The following GRID2 variants were observed in gnomAD, a reference collection of about 807,000 sequenced individuals.
GRID2 encodes glutamate ionotropic receptor delta type subunit 2.
GRID2 carries 33 observed loss-of-function variants against 114.8 expected under a neutral mutation model. The observed-to-expected ratio is 0.29, with a 90% confidence interval of 0.22 to 0.38. The LOEUF (loss-of-function observed/expected upper bound fraction) is 0.38, where lower values mean the gene tolerates loss of function less well. Among genes scored for constraint, GRID2 ranks in the 10% least tolerant of loss-of-function variants. The pLI, the probability that GRID2 is intolerant of heterozygous loss-of-function variation, is 1.00. For synonymous variants in GRID2, 505 were observed against 449.9 expected (o/e 1.12, Z -1.55); for missense variants, 1,184 against 1,257.7 (o/e 0.94, Z 0.89).
chr4:93,673,629 A>G (rs950271666), intron 14 of GRID2, among the ~76,000 whole-genome samples: 1 of 152,230 alleles, frequency 6.6e-6, no homozygotes, highest in African/African-American at 2.4e-5. Flanking sequence ...TAATGAATGT[A>G]GACAGATCTT....
At chr4:92,495,325 C>T (rs930686612) in intron 1 of GRID2, among the ~76,000 whole-genome samples, 11 of 151,864 alleles carry the variant, frequency 7.2e-5, no homozygotes, top group Non-Finnish European at 1.3e-4. Flanking sequence ...TAGGGCTAGT[C>T]GCTATGGGGG....
intron 8 of GRID2, among the ~76,000 whole-genome samples, chr4:93,313,773 C>T (rs544292055): frequency 1.3e-5 from 2 of 151,948 alleles, no homozygotes; most frequent in African/African-American, 4.8e-5. Flanking sequence ...ATGCAAAGAG[C>T]GAGAGGAAAC....
At chr4:92,576,636 C>G (rs1045888062) in intron 1 of GRID2, among the ~76,000 whole-genome samples, 1 of 152,184 alleles carries the variant, frequency 6.6e-6, no homozygotes, top group Non-Finnish European at 1.5e-5. Flanking sequence ...AGCATCTGGT[C>G]TCCTGAGACT....
At chr4:92,922,223 C>G (rs532307444) in intron 2 of GRID2, among the ~76,000 whole-genome samples, 60 of 152,220 alleles carry the variant, frequency 3.9e-4, no homozygotes, top group Middle Eastern at 6.8e-3. Context: ...GGGAGTGACC[C>G]AATTTTCCAG....
intron 1 of GRID2, among the ~76,000 whole-genome samples, chr4:92,491,056 C>T (rs1334155282): frequency 6.6e-6 from 1 of 152,102 alleles, no homozygotes; most frequent in African/African-American, 2.4e-5. Context: ...CTCCCTATTG[C>T]ACAATAAGCA....
intron 14 of GRID2, among the ~76,000 whole-genome samples, chr4:93,720,570 C>T (rs762480633): frequency 3.9e-5 from 6 of 152,158 alleles, no homozygotes; most frequent in Non-Finnish European, 7.3e-5. Context: ...GAATTTTGCA[C>T]ATATTGGAAT....
At chr4:92,891,390 A>C (rs1267225083) in intron 2 of GRID2, among the ~76,000 whole-genome samples, 2 of 152,214 alleles carry the variant, frequency 1.3e-5, no homozygotes, top group African/African-American at 2.4e-5. Flanking sequence ...GAATTTAGAC[A>C]TGATCTCCAG....
intron 1 of GRID2, among the ~76,000 whole-genome samples, chr4:92,433,666 A>G (rs1240666397): frequency 5.3e-5 from 8 of 152,150 alleles, no homozygotes; most frequent in Non-Finnish European, 8.8e-5. Context: ...TCTGTCCTCA[A>G]TATAATGTTA....
chr4:92,831,846 C>A (rs796849749), intron 2 of GRID2, among the ~76,000 whole-genome samples: 25 of 151,962 alleles, frequency 1.6e-4, no homozygotes, highest in Non-Finnish European at 2.5e-4. Context: ...GGAGACAGAG[C>A]AAGACCCCAT....
At chr4:92,817,622 TATA>T (rs1010914519) in intron 2 of GRID2, among the ~76,000 whole-genome samples, 1 of 152,166 alleles carries the variant, frequency 6.6e-6, no homozygotes, top group Non-Finnish European at 1.5e-5. Flanking sequence ...GGAATGCCAT[TATA>T]ATAATGTTTA....
intron 1 of GRID2, among the ~76,000 whole-genome samples, chr4:92,469,734 C>A (rs144598707): frequency 1.0e-3 from 154 of 150,884 alleles, no homozygotes; most frequent in African/African-American, 3.7e-3. Flanking sequence ...CAAAAATAAC[C>A]CAACTTAGTT....
chr4:93,057,162 CTGTGTG>C (rs139689521), intron 2 of GRID2, among the ~76,000 whole-genome samples: 4 of 147,836 alleles, frequency 2.7e-5, no homozygotes, highest in African/African-American at 9.9e-5. Flanking sequence ...GTATGTGTGT[CTGTGTG>C]TGTGTGTGTG....
chr4:93,612,619 T>C (rs1329127224), intron 13 of GRID2, among the ~76,000 whole-genome samples: 1 of 99,070 alleles, frequency 1.0e-5, no homozygotes, highest in Non-Finnish European at 2.1e-5. Context: ...TTCTTTTCTT[T>C]AAGAATGTTG....
chr4:93,703,302 C>T (rs1006099083), intron 14 of GRID2, among the ~76,000 whole-genome samples: 3 of 151,862 alleles, frequency 2.0e-5, no homozygotes, highest in Non-Finnish European at 4.4e-5. Context: ...TTATAAGGTA[C>T]GTGAGATGTT....
At chr4:93,210,482 G>T (rs754224298) in intron 5 of GRID2, among the ~76,000 whole-genome samples, 3 of 152,100 alleles carry the variant, frequency 2.0e-5, no homozygotes, top group Non-Finnish European at 4.4e-5. Context: ...TGCTGTTTTG[G>T]TTAGTGTAGC....
chr4:93,367,816 T>C (rs920063509), intron 8 of GRID2, among the ~76,000 whole-genome samples: 2 of 152,134 alleles, frequency 1.3e-5, no homozygotes, highest in Non-Finnish European at 2.9e-5. Flanking sequence ...AACTAATGAG[T>C]TGAGTGATAT....
chr4:93,168,091 G>C (rs903702220), intron 4 of GRID2, among the ~76,000 whole-genome samples: 4 of 152,112 alleles, frequency 2.6e-5, no homozygotes, highest in Non-Finnish European at 5.9e-5. Context: ...ACCCACTTGG[G>C]AGGCTAAGGC....
chr4:93,517,925 CTATA>C (rs921248568), intron 13 of GRID2, among the ~76,000 whole-genome samples: 3 of 109,290 alleles, frequency 2.7e-5, no homozygotes, highest in Non-Finnish European at 4.2e-5. Flanking sequence ...TATGTATATA[CTATA>C]TATGTATGTA....
intron 2 of GRID2, among the ~76,000 whole-genome samples, chr4:93,035,485 C>G (rs1724852085): frequency 6.6e-6 from 1 of 152,086 alleles, no homozygotes; most frequent in African/African-American, 2.4e-5. Context: ...TAGTAGGTTA[C>G]TACAAGAAAG....
Sources: gnomAD v4.1 joint callset for allele counts (sites outside exome capture counted in the v4.1 genomes callset) on GRCh38, gnomAD v4.1.1 for gene constraint, MANE v1.5 for transcripts, NCBI Gene and HGNC (gene_info 2026-07-23, HGNC 2026-07-21) for gene names.